Variants in PAPPA observed in about 807,000 individuals in gnomAD.
The protein encoded by PAPPA is pappalysin 1.
In PAPPA, 60 loss-of-function variants were observed where a neutral mutation model predicts 164.0. That is an observed-to-expected ratio of 0.37 (90% confidence interval 0.30 to 0.45). The LOEUF (loss-of-function observed/expected upper bound fraction) is 0.45. PAPPA is among the 20% of genes least tolerant of loss of function. PAPPA has a pLI of 1.00. For missense variants in PAPPA, 1,782 were observed against 2,087.3 expected (o/e 0.85, Z 2.85); for synonymous variants, 875 against 814.1 (o/e 1.07, Z -1.27).
intron 8 of PAPPA, among the ~76,000 whole-genome samples, chr9:116,270,626 G>A (rs1312117619): frequency 6.6e-6 from 1 of 152,130 alleles, no homozygotes; most frequent in Non-Finnish European, 1.5e-5. Context: ...CATCACCTAA[G>A]CCCAATTCAA....
At chr9:116,188,249 G>C (rs768736090) in intron 2 of PAPPA, 33 bp downstream of exon 2, 1 of 1,510,606 alleles carries the variant, frequency 6.6e-7, no homozygotes, top group East Asian at 2.3e-5. Context: ...ATGCCCAGTT[G>C]AAAGTTGAAC....
chr9:116,304,087 G>C (rs965743433), intron 10 of PAPPA, among the ~76,000 whole-genome samples: 4 of 152,182 alleles, frequency 2.6e-5, no homozygotes, highest in Non-Finnish European at 5.9e-5. Context: ...TAGATGAATG[G>C]CTAGGGTTCA....
rs755470841 is a variant in PAPPA at position 116,207,467 on chromosome 9, A to T, written c.1490A>T (p.Asp497Val). 1 of 1,611,304 alleles carries T rather than the reference A, an allele frequency of 6.2e-7. No homozygotes were observed. The highest frequency in any genetic ancestry group is 8.5e-7 in the Non-Finnish European group (1 of 1,178,662). ...DPDSPHRAYL[D>V]VNELKNILKL... ...TTTTTCTGTTTCAGAGCCTACTTGG[A>T]TGTTAATGAGCTGAAGAACATTCTT... The change falls in exon 3 of 22, where the codon GAT becomes GTT. Residue 497 changes from aspartate (D) to valine (V), a missense_variant. Coordinates refer to ENST00000328252, the MANE Select transcript of PAPPA (RefSeq NM_002581.5).
At chr9:116,366,685 T>C (rs1051396797) in intron 18 of PAPPA, among the ~76,000 whole-genome samples, 1 of 152,066 alleles carries the variant, frequency 6.6e-6, no homozygotes, top group East Asian at 1.9e-4. Flanking sequence ...ATGGGGAGCA[T>C]GGGTAGTGCT....
intron 15 of PAPPA, among the ~76,000 whole-genome samples, chr9:116,349,877 G>A (rs542510779): frequency 1.8e-4 from 28 of 152,250 alleles, no homozygotes; most frequent in Middle Eastern, 3.4e-3. Flanking sequence ...CCTTCACTTC[G>A]TGTCTTGAGT....
At chr9:116,241,472 A>T (rs908595057) in intron 7 of PAPPA, among the ~76,000 whole-genome samples, 6 of 152,216 alleles carry the variant, frequency 3.9e-5, no homozygotes, top group Admixed American at 6.5e-5. Context: ...CTGAGCTGCC[A>T]TCCCTGGGAT....
Position 116,334,941 on chromosome 9 carries a change from C to G in PAPPA, c.3478C>G (p.Gln1160Glu), listed in dbSNP as rs980980890. 1.2e-6 allele frequency: 2 copies of G among 1,613,668 alleles called. No homozygotes were observed. The highest frequency in any genetic ancestry group is 2.7e-5 in the African/African-American group (2 of 74,812). The change falls in exon 13 of 22, where the codon CAG becomes GAG. Residue 1160 changes from glutamine (Q) to glutamate (E), a missense_variant. Gln to Glu is a conservative substitution (Grantham distance 29). Around this residue, in one of 2 missense-constraint regions of PAPPA, gnomAD observed 1,324 missense variants for 1,656.9 expected, o/e 0.80. Coordinates refer to ENST00000328252, the MANE Select transcript of PAPPA (RefSeq NM_002581.5). Reference sequence around the variant, plus strand: ...CCTCAGCCAGCCCTTCTACCACAGCCAGGCGGTACGTGTGAGCTTCAGTTC... The same window carrying G: ...CCTCAGCCAGCCCTTCTACCACAGCGAGGCGGTACGTGTGAGCTTCAGTTC... ...HDLSQPFYHS[Q>E]AVRVSFSSPL...
chr9:116,314,060 C>CT (rs57871796), intron 10 of PAPPA, among the ~76,000 whole-genome samples: 8,355 of 69,658 alleles, frequency 0.12, 2,810 homozygotes, highest in Non-Finnish European at 0.15. Flanking sequence ...TGCATCGAAT[C>CT]TTTTTTTTTT....
intron 9 of PAPPA, among the ~76,000 whole-genome samples, chr9:116,302,513 C>T (rs145280578): frequency 6.6e-6 from 1 of 152,258 alleles, no homozygotes; most frequent in Admixed American, 6.5e-5. Flanking sequence ...TTTCCCTTAA[C>T]ATGGTGGCCT....
At position 116,187,579 on chromosome 9, in the gene PAPPA, C is replaced by T. The variant is rs758036004; in HGVS notation, c.841C>T (p.Leu281=). ...GGAAACCCATGGCGCCCACACTGCT[C>T]TACCTCAGCTCCTCCTCCAGGAGAA... is the stretch of plus-strand genomic sequence containing the variant. ...DMETHGAHTA[L]PQLLLQENWD... is the part of the protein sequence containing the mutation. Residue 281 remains leucine, a synonymous_variant, in exon 2 of 22, where the codon CTA becomes TTA. Coordinates refer to ENST00000328252, the MANE Select transcript of PAPPA (RefSeq NM_002581.5). The surrounding 1 kb of genome is among the most constrained non-coding windows in gnomAD (Gnocchi z 4.2). The T allele has an allele frequency of 1.2e-6, 2 of 1,614,088 alleles. No individual in the cohort carries two copies. Among genetic ancestry groups the T allele is most frequent in the East Asian group, 4.5e-5 (2 of 44,868 alleles).
chr9:116,380,441 T>A (rs1294817179), intron 20 of PAPPA, among the ~76,000 whole-genome samples: 1 of 152,202 alleles, frequency 6.6e-6, no homozygotes, highest in African/African-American at 2.4e-5. Flanking sequence ...CATTTAATTT[T>A]TCTCTTTTCC....
chr9:116,163,802 A>G (rs900763513), intron 1 of PAPPA, among the ~76,000 whole-genome samples: 3 of 152,190 alleles, frequency 2.0e-5, no homozygotes, highest in Non-Finnish European at 4.4e-5. Flanking sequence ...TTGACTGGTA[A>G]CAACTTGGAA....
chr9:116,201,036 T>A (rs1259002790), intron 2 of PAPPA, among the ~76,000 whole-genome samples: 1 of 152,182 alleles, frequency 6.6e-6, no homozygotes, highest in Non-Finnish European at 1.5e-5. Flanking sequence ...TTTAATAAAC[T>A]CTCCCAGCAT....
intron 7 of PAPPA, among the ~76,000 whole-genome samples, chr9:116,242,457 T>C (rs577794170): frequency 3.5e-4 from 53 of 152,330 alleles, no homozygotes; most frequent in Admixed American, 2.0e-3. Flanking sequence ...AGATGGAAAT[T>C]GTATTAATTT....
rs1846183001 is a variant in PAPPA at position 116,344,620 on chromosome 9, G to A, written c.3689G>A (p.Ser1230Asn). Residue 1230 changes from serine (S) to asparagine (N), a missense_variant, in exon 14 of 22, where the codon AGC becomes AAC. Physicochemically the swap from Ser to Asn is conservative, Grantham distance 46. Coordinates refer to ENST00000328252, the MANE Select transcript of PAPPA (RefSeq NM_002581.5). ...VENASLNCSS[S>N]DRYHGAQCTV... ...AATGCTTCTCTCAATTGCTCCAGCA[G>A]CGACCGCTACCACGGTGCCCAGTGT... The A allele has an allele frequency of 6.2e-7, 1 of 1,614,068 alleles. No individual in the cohort carries two copies. Among genetic ancestry groups the A allele is most frequent in the Admixed American group, 1.7e-5 (1 of 60,000 alleles).
chr9:116,269,237 A>C (rs1845110223), intron 8 of PAPPA, among the ~76,000 whole-genome samples: 1 of 152,228 alleles, frequency 6.6e-6, no homozygotes, highest in African/African-American at 2.4e-5. Flanking sequence ...ATGAATACAC[A>C]AAGAGATTAC....
chr9:116,312,526 T>C (rs1279162917), intron 10 of PAPPA, among the ~76,000 whole-genome samples: 1 of 152,182 alleles, frequency 6.6e-6, no homozygotes, highest in Non-Finnish European at 1.5e-5. Flanking sequence ...TACTCATTTC[T>C]CTAAGTCTGA....
rs1484366360 is a variant in PAPPA at position 116,398,874 on chromosome 9, T to G, written c.*2258T>G. On this transcript the variant is annotated 3_prime_UTR_variant, in exon 22 of 22. Transcript: ENST00000328252. ...AGTATTAGAAGAATTGATCCTATTT[T>G]GAACCCCTCTCCAGTATCTTCACAC... The G allele has an allele frequency of 2.8e-6, 1 of 363,240 alleles. No homozygotes were observed. The highest frequency in any genetic ancestry group is 2.1e-5 in the African/African-American group (1 of 46,892). 22.5% of individuals were successfully genotyped at this position (363,240 alleles called of 1,614,324 possible). A position where few individuals can be genotyped will look rare whatever the true frequency, so the allele number is the denominator to read the frequency against.
intron 6 of PAPPA, among the ~76,000 whole-genome samples, chr9:116,230,071 G>A (rs944918112): frequency 6.6e-6 from 1 of 152,100 alleles, no homozygotes; most frequent in African/African-American, 2.4e-5. Flanking sequence ...TCAACTGGAG[G>A]CACTGAGGTC....
Sources: allele counts gnomAD v4.1 joint callset (sites outside exome capture counted in the v4.1 genomes callset), GRCh38; gene constraint gnomAD v4.1.1; regional missense constraint gnomAD v4.1.1; non-coding constraint Gnocchi (gnomAD v3.1); transcripts MANE v1.5; gene names NCBI Gene and HGNC (gene_info 2026-07-23, HGNC 2026-07-21).